The following KLHL1 variants were observed in gnomAD, a reference collection of about 807,000 sequenced individuals.
KLHL1 encodes kelch like family member 1.
KLHL1 carries 47 observed loss-of-function variants against 77.7 expected under a neutral mutation model. That is an observed-to-expected ratio of 0.60 (90% CI 0.48 to 0.77). KLHL1 has a LOEUF of 0.77. Ranked by LOEUF, KLHL1 falls within the 30% of genes least tolerant of loss-of-function variation. KLHL1 has a pLI of 0.00. For missense variants in KLHL1, 925 were observed against 910.8 expected, an observed-to-expected ratio of 1.02 and a Z score of -0.20; for synonymous variants, 360 against 325.2, an observed-to-expected ratio of 1.11 and a Z score of -1.15.
At chr13:70,037,062 C>T (rs1319413997) in intron 1 of KLHL1, among the ~76,000 whole-genome samples, 2 of 151,808 alleles carry the variant, frequency 1.3e-5, no homozygotes, top group Non-Finnish European at 2.9e-5. Flanking sequence ...TTGAGTATAA[C>T]CTTAGGGTAT....
intron 4 of KLHL1, among the ~76,000 whole-genome samples, chr13:69,939,225 T>G (rs1319661781): frequency 6.6e-6 from 1 of 150,504 alleles, no homozygotes; most frequent in Non-Finnish European, 1.5e-5. Context: ...ATGGAATTAA[T>G]ATTTTTAAAA....
rs192976152 is a variant in KLHL1, at chr13:70,049,981, A to G, written c.497+57222T>C. 8.5e-5 allele frequency among the ~76,000 whole-genome samples: 13 copies of G among 152,134 alleles called. No homozygotes were observed. The East Asian group carries it at 2.5e-3, about 29-fold the overall frequency. On this transcript the variant is annotated intron_variant, in intron 1 of 10. Coordinates refer to ENST00000377844, the MANE Select transcript of KLHL1 (RefSeq NM_020866.3). ...TGAAAAATGAATCAGACTAATAGATAATTTATATAGAAAAAACAAAAAATT... is the reference window on the plus strand; with the variant it reads ...TGAAAAATGAATCAGACTAATAGATGATTTATATAGAAAAAACAAAAAATT...
intron 4 of KLHL1, among the ~76,000 whole-genome samples, chr13:69,922,988 T>C (rs890954910): frequency 6.6e-6 from 1 of 152,172 alleles, no homozygotes; most frequent in African/African-American, 2.4e-5. Flanking sequence ...TGCAAATGAA[T>C]TTCAATATTA....
At chr13:69,742,034 G>C (rs1169479140) in intron 7 of KLHL1, among the ~76,000 whole-genome samples, 1 of 152,014 alleles carries the variant, frequency 6.6e-6, no homozygotes, top group Non-Finnish European at 1.5e-5. Context: ...TACCACCTTT[G>C]TTTTAGAAGA....
chr13:70,041,162 C>T (rs992926694), intron 1 of KLHL1, among the ~76,000 whole-genome samples: 3 of 151,982 alleles, frequency 2.0e-5, no homozygotes, highest in African/African-American at 7.2e-5. Context: ...ACATGTTTAT[C>T]ATGCTCCTTG....
intron 2 of KLHL1, among the ~76,000 whole-genome samples, chr13:69,973,320 T>G (rs1287519572): frequency 6.6e-6 from 1 of 151,726 alleles, no homozygotes; most frequent in Non-Finnish European, 1.5e-5. Context: ...AAAATAAAAT[T>G]TATTTGACAG....
chr13:69,902,871 G>A (rs190573865), intron 4 of KLHL1, among the ~76,000 whole-genome samples: 51 of 152,076 alleles, frequency 3.4e-4, no homozygotes, highest in African/African-American at 1.2e-3. Flanking sequence ...TAACCTGCAC[G>A]TTGTGCACAT....
chr13:69,790,596 A>G (rs942761400), intron 7 of KLHL1, among the ~76,000 whole-genome samples: 1 of 152,214 alleles, frequency 6.6e-6, no homozygotes, highest in Non-Finnish European at 1.5e-5. Context: ...AGAGTTCTAC[A>G]CTGTGACTAA....
At chr13:69,779,405 C>T (rs1331283234) in intron 7 of KLHL1, among the ~76,000 whole-genome samples, 1 of 149,504 alleles carries the variant, frequency 6.7e-6, no homozygotes, top group Non-Finnish European at 1.5e-5. Flanking sequence ...CCCCTCTTCC[C>T]TCCTTTCCTT....
chr13:69,866,743 A>C (rs1880378364), intron 5 of KLHL1, among the ~76,000 whole-genome samples: 1 of 152,106 alleles, frequency 6.6e-6, no homozygotes, highest in Admixed American at 6.6e-5. Context: ...ACCTTCAAAT[A>C]ATATTTGCCC....
intron 1 of KLHL1, among the ~76,000 whole-genome samples, chr13:70,062,701 T>C (rs1287497051): frequency 1.3e-5 from 2 of 152,144 alleles, no homozygotes; most frequent in African/African-American, 2.4e-5. Context: ...ATCAGACTTT[T>C]ATCTGCTTAC....
At chr13:69,871,246 T>C (rs1880573173) in intron 5 of KLHL1, among the ~76,000 whole-genome samples, 1 of 152,118 alleles carries the variant, frequency 6.6e-6, no homozygotes, top group Non-Finnish European at 1.5e-5. Flanking sequence ...GCAGCCTGGA[T>C]ATGGGGAGCA....
intron 7 of KLHL1, among the ~76,000 whole-genome samples, chr13:69,764,740 T>G (rs1281196745): frequency 6.6e-6 from 1 of 151,822 alleles, no homozygotes; most frequent in Non-Finnish European, 1.5e-5. Flanking sequence ...TCAACACAGA[T>G]CGACTCAATT....
chr13:69,835,423 C>A (rs187877668), intron 6 of KLHL1, among the ~76,000 whole-genome samples: 4 of 152,130 alleles, frequency 2.6e-5, no homozygotes, highest in Non-Finnish European at 4.4e-5. Flanking sequence ...CAAAAGCCAG[C>A]ATCTCTTGTG....
At chr13:70,027,423 T>G (rs1441544) in intron 1 of KLHL1, among the ~76,000 whole-genome samples, 1 of 151,752 alleles carries the variant, frequency 6.6e-6, no homozygotes, top group Admixed American at 6.6e-5. Flanking sequence ...CCAACACAGC[T>G]TACCTTTCTT....
At chr13:69,882,000 G>T (rs1593914327) in intron 5 of KLHL1, among the ~76,000 whole-genome samples, 1 of 151,448 alleles carries the variant, frequency 6.6e-6, no homozygotes, top group Non-Finnish European at 1.5e-5. Flanking sequence ...CTTCTGTATG[G>T]CAGTATGATC....
At chr13:69,987,513 A>G (rs1294688786) in intron 1 of KLHL1, among the ~76,000 whole-genome samples, 1 of 151,946 alleles carries the variant, frequency 6.6e-6, no homozygotes, top group Non-Finnish European at 1.5e-5. Flanking sequence ...AATAACTTTA[A>G]TCTAGGTCAA....
At chr13:69,794,581 G>T (rs530460644) in intron 7 of KLHL1, among the ~76,000 whole-genome samples, 16 of 151,772 alleles carry the variant, frequency 1.1e-4, no homozygotes, top group Admixed American at 9.8e-4. Context: ...AAAGAGCTGG[G>T]GGAAGGAGAG....
intron 5 of KLHL1, among the ~76,000 whole-genome samples, chr13:69,877,650 A>C (rs1880818611): frequency 6.6e-6 from 1 of 152,152 alleles, no homozygotes; most frequent in Admixed American, 6.5e-5. Flanking sequence ...TCAGTTATCT[A>C]TCACTATCAT....
Sources: gnomAD v4.1 joint callset for allele counts (sites outside exome capture counted in the v4.1 genomes callset) on GRCh38, gnomAD v4.1.1 for gene constraint, MANE v1.5 for transcripts, NCBI Gene and HGNC (gene_info 2026-07-23, HGNC 2026-07-21) for gene names.